The following FYN variants were observed in gnomAD, a reference collection of about 807,000 sequenced individuals.
FYN encodes the protein tyrosine-protein kinase Fyn.
Under a neutral mutation model 70.2 loss-of-function variants are expected in FYN, and 10 were observed. That is an observed-to-expected ratio of 0.14 (90% confidence interval 0.09 to 0.24). The LOEUF (loss-of-function observed/expected upper bound fraction) is 0.24. FYN is among the 10% of genes least tolerant of loss of function. FYN has a pLI of 1.00. For missense variants in FYN, 319 were observed against 673.1 expected (o/e 0.47, Z 5.82); for synonymous variants, 236 against 248.6 (o/e 0.95, Z 0.48).
At chr6:111,664,997 A>G (rs1797932568) in intron 13 of FYN, among the ~76,000 whole-genome samples, 1 of 152,232 alleles carries the variant, frequency 6.6e-6, no homozygotes, top group Non-Finnish European at 1.5e-5. Flanking sequence ...TGCAACAATA[A>G]CGGTGGCAAT....
At chr6:111,805,169 A>G (rs1439748241) in intron 2 of FYN, among the ~76,000 whole-genome samples, 1 of 152,098 alleles carries the variant, frequency 6.6e-6, no homozygotes, top group Non-Finnish European at 1.5e-5. Flanking sequence ...GAGCAGGAAC[A>G]CTATCTTTGA....
intron 2 of FYN, among the ~76,000 whole-genome samples, chr6:111,801,517 G>A (rs1583456648): frequency 6.6e-6 from 1 of 152,160 alleles, no homozygotes; most frequent in African/African-American, 2.4e-5. Context: ...GAAATGATTG[G>A]TTGGATAATG....
chr6:111,685,788 C>T (rs193196305), intron 12 of FYN, among the ~76,000 whole-genome samples: 14 of 152,278 alleles, frequency 9.2e-5, no homozygotes, highest in Non-Finnish European at 1.6e-4. Context: ...CATTCATAAA[C>T]AACCATCAAA....
At chr6:111,766,733 G>A (rs1803242044) in intron 3 of FYN, among the ~76,000 whole-genome samples, 1 of 152,122 alleles carries the variant, frequency 6.6e-6, no homozygotes, top group Non-Finnish European at 1.5e-5. Context: ...ATCAAATCTC[G>A]TGAGAACTCA....
chr6:111,783,234 A>C (rs1376206210), intron 2 of FYN, among the ~76,000 whole-genome samples: 1 of 152,110 alleles, frequency 6.6e-6, no homozygotes. Flanking sequence ...GGGCATTGTG[A>C]CCATTTGCTT....
At chr6:111,664,092 C>T (rs1364292262) in intron 13 of FYN, among the ~76,000 whole-genome samples, 1 of 152,164 alleles carries the variant, frequency 6.6e-6, no homozygotes, top group Non-Finnish European at 1.5e-5. Flanking sequence ...ACATATTGCC[C>T]AGAAAGATTA....
At chr6:111,714,164 G>A (rs1430918442) in intron 5 of FYN, among the ~76,000 whole-genome samples, 183 bp downstream of exon 5, 1 of 152,204 alleles carries the variant, frequency 6.6e-6, no homozygotes, top group Non-Finnish European at 1.5e-5. Flanking sequence ...TGGACACACA[G>A]TGCCATAAAA....
At chr6:111,670,848 A>G (rs565595664) in intron 13 of FYN, among the ~76,000 whole-genome samples, 28 of 152,342 alleles carry the variant, frequency 1.8e-4, no homozygotes, top group African/African-American at 6.3e-4. Flanking sequence ...AGGTGAAATG[A>G]CAGGTAAAAA....
intron 6 of FYN, among the ~76,000 whole-genome samples, chr6:111,705,351 T>C (rs1479145538): frequency 6.6e-6 from 1 of 151,954 alleles, no homozygotes; most frequent in Non-Finnish European, 1.5e-5. Context: ...ACCAAGCACC[T>C]GGATTGTGAT....
At chr6:111,715,908 C>G (rs147456284) in intron 4 of FYN, among the ~76,000 whole-genome samples, 5 of 152,266 alleles carry the variant, frequency 3.3e-5, no homozygotes, top group African/African-American at 1.2e-4. Context: ...CCAAGCGGTG[C>G]CACACTTTAT....
intron 13 of FYN, among the ~76,000 whole-genome samples, chr6:111,666,857 G>A (rs1333857062): frequency 2.6e-5 from 4 of 152,002 alleles, no homozygotes; most frequent in Non-Finnish European, 5.9e-5. Flanking sequence ...GTCTGCCTTC[G>A]AGTCCCTCTT....
At chr6:111,782,317 A>T (rs1400393098) in intron 2 of FYN, among the ~76,000 whole-genome samples, 1 of 152,194 alleles carries the variant, frequency 6.6e-6, no homozygotes, top group East Asian at 1.9e-4. Context: ...GCCTTATCAC[A>T]GCACAGCAGG....
chr6:111,788,882 A>T (rs1771501267), intron 2 of FYN, among the ~76,000 whole-genome samples: 1 of 150,152 alleles, frequency 6.7e-6, no homozygotes, highest in Non-Finnish European at 1.5e-5. Flanking sequence ...GGTGGGAGGG[A>T]GGTGGGAGGG....
chr6:111,662,212 T>C (rs1484809929), intron 13 of FYN, among the ~76,000 whole-genome samples: 1 of 152,176 alleles, frequency 6.6e-6, no homozygotes. Flanking sequence ...TATGATTTCA[T>C]TCATGCGAAA....
chr6:111,707,187 C>T (rs1800130199), intron 6 of FYN, among the ~76,000 whole-genome samples: 1 of 152,220 alleles, frequency 6.6e-6, no homozygotes, highest in Non-Finnish European at 1.5e-5. Flanking sequence ...ATCATGGCTC[C>T]ATCTCTCCTT....
intron 1 of FYN, among the ~76,000 whole-genome samples, chr6:111,851,803 C>G (rs564416461): frequency 4.7e-4 from 72 of 152,012 alleles, no homozygotes; most frequent in African/African-American, 1.7e-3. Context: ...AGCTGAAGAG[C>G]CCTGCTCCCT....
chr6:111,690,305 G>C (rs1799260749), intron 12 of FYN, among the ~76,000 whole-genome samples: 1 of 152,096 alleles, frequency 6.6e-6, no homozygotes, highest in African/African-American at 2.4e-5. Context: ...ACTCAGGGGA[G>C]GGCTGGAAGG....
At chr6:111,857,726 A>G (rs899915798) in intron 1 of FYN, among the ~76,000 whole-genome samples, 1 of 152,210 alleles carries the variant, frequency 6.6e-6, no homozygotes, top group African/African-American at 2.4e-5. Flanking sequence ...CATTACAGGT[A>G]ACCTAGTGGC....
intron 5 of FYN, among the ~76,000 whole-genome samples, chr6:111,712,932 GCAGT>G (rs746138424): frequency 6.6e-6 from 1 of 152,104 alleles, no homozygotes; most frequent in Non-Finnish European, 1.5e-5. Flanking sequence ...CAGTTGAGCG[GCAGT>G]AAGTACGTTC....
Sources: allele counts gnomAD v4.1 joint callset (sites outside exome capture counted in the v4.1 genomes callset), GRCh38; gene constraint gnomAD v4.1.1; transcripts MANE v1.5; gene names NCBI Gene and HGNC (gene_info 2026-07-23, HGNC 2026-07-21).